The following EIF4E3 variants were observed in gnomAD, a reference collection of about 807,000 sequenced individuals.
The protein encoded by EIF4E3 is eukaryotic translation initiation factor 4E type 3.
In EIF4E3, 26 loss-of-function variants were observed where a neutral mutation model predicts 31.7. The ratio of observed to expected loss-of-function variants is 0.82; its 90% confidence interval spans 0.60 to 1.14. The LOEUF (loss-of-function observed/expected upper bound fraction) is 1.14. Ranked by LOEUF, EIF4E3 falls within the 50% of genes most tolerant of loss-of-function variation. EIF4E3 has a pLI of 0.00. For missense variants in EIF4E3, 304 were observed against 270.9 expected (o/e 1.12, Z -0.86); for synonymous variants, 128 against 107.7 (o/e 1.19, Z -1.17).
chr3:71,738,687 T>C (rs2049788956), intron 1 of EIF4E3, among the ~76,000 whole-genome samples: 1 of 152,042 alleles, frequency 6.6e-6, no homozygotes. Context: ...TGAAAGGAGA[T>C]AGGCAATAGA....
intron 1 of EIF4E3, among the ~76,000 whole-genome samples, chr3:71,717,218 A>G (rs1223954825): frequency 6.6e-6 from 1 of 152,228 alleles, no homozygotes; most frequent in Admixed American, 6.5e-5. Flanking sequence ...CCAGGTCCTC[A>G]TGAGACCTGC....
chr3:71,754,723 A>G (rs1226810511), upstream of EIF4E3: 1 of 1,470,262 alleles, frequency 6.8e-7, no homozygotes, highest in Non-Finnish European at 9.0e-7. The surrounding 1 kb of genome is among the most constrained non-coding windows in gnomAD (Gnocchi z 5.8). Flanking sequence ...GCCGTCAGCC[A>G]CGACTGGACC....
chr3:71,675,704 A>G lies in EIF4E3; in HGVS notation c.*8978T>C, dbSNP rs1312869632. ...GGGTCATTTCTTCATCTGTAAAATG[A>G]AAAGTTTGAACTAGGCCAGTGATTT... On this transcript the variant is annotated 3_prime_UTR_variant, in exon 7 of 7. Transcript: ENST00000425534. 6.6e-6 allele frequency: 1 copy of G among 152,248 alleles called. No individual in the cohort carries two copies. Among genetic ancestry groups the G allele is most frequent in the African/African-American group, 2.4e-5 (1 of 41,456 alleles). The allele number at this position is 152,248 out of a possible 1,614,324, so 9.4% of individuals were successfully genotyped here.
intron 6 of EIF4E3, among the ~76,000 whole-genome samples, chr3:71,688,669 G>A (rs1211381273): frequency 1.3e-5 from 2 of 152,120 alleles, no homozygotes; most frequent in Non-Finnish European, 2.9e-5. Flanking sequence ...GTTTCTGCTA[G>A]TCTTGTGAAA....
At chr3:71,715,771 T>C (rs971497308) in intron 1 of EIF4E3, among the ~76,000 whole-genome samples, 5 of 152,260 alleles carry the variant, frequency 3.3e-5, no homozygotes, top group African/African-American at 1.2e-4. Context: ...GGCTCCCTTT[T>C]ATTAACCATG....
intron 5 of EIF4E3, among the ~76,000 whole-genome samples, chr3:71,692,598 CTTT>C (rs749669628): frequency 4.2e-5 from 4 of 96,372 alleles, no homozygotes. Context: ...CCCAGGTCTT[CTTT>C]TTTTTTTTTT....
chr3:71,745,083 G>A (rs773279195), intron 1 of EIF4E3, among the ~76,000 whole-genome samples: 12 of 152,174 alleles, frequency 7.9e-5, no homozygotes, highest in Non-Finnish European at 1.6e-4. Context: ...AAGGAGAATC[G>A]AACCCAAGTC....
intron 2 of EIF4E3, among the ~76,000 whole-genome samples, chr3:71,704,414 C>T (rs983909351): frequency 2.4e-4 from 37 of 152,312 alleles, no homozygotes; most frequent in Admixed American, 2.3e-3. Flanking sequence ...ATTCCTACAG[C>T]GCTGAGCAAC....
intron 4 of EIF4E3, 52 bp downstream of exon 4, chr3:71,696,408 G>A: frequency 6.2e-7 from 1 of 1,604,978 alleles, no homozygotes; most frequent in Non-Finnish European, 8.5e-7. Context: ...ATGACAGGCA[G>A]TCAACAACTC....
At chr3:71,666,911 C>T in the EIF4E3 span, among the ~76,000 whole-genome samples, 2 of 152,064 alleles carry the variant, frequency 1.3e-5, no homozygotes. Context: ...TGCACTCCAG[C>T]CTGCACAACA....
At position 71,680,487 on chromosome 3, in the gene EIF4E3, G is replaced by A. The variant is rs1267854691; in HGVS notation, c.*4195C>T. 6.6e-6 allele frequency: 1 copy of A among 152,200 alleles called. No homozygotes were observed. Among genetic ancestry groups the A allele is most frequent in the Non-Finnish European group, 1.5e-5 (1 of 68,032 alleles). 9.4% of individuals were successfully genotyped at this position (152,200 alleles called of 1,614,324 possible). On this transcript the variant is annotated 3_prime_UTR_variant, in exon 7 of 7. Transcript: ENST00000425534. ...TTCTTTTAAAAATGGATTTATGTCA[G>A]CAACATGAAAGAATTTCTAGAACAC...
chr3:71,662,888 C>T, the EIF4E3 span, among the ~76,000 whole-genome samples: 3 of 152,046 alleles, frequency 2.0e-5, no homozygotes, highest in Admixed American at 2.0e-4. Flanking sequence ...GGGGCAGAAA[C>T]CGAGGGAAGA....
upstream of EIF4E3, chr3:71,754,157 C>T (rs1355170492): frequency 1.4e-6 from 2 of 1,456,500 alleles, no homozygotes; most frequent in Non-Finnish European, 1.8e-6. This position sits in a 1 kb window ranked among gnomAD's most constrained non-coding sequence, Gnocchi z 5.8. Context: ...TAGCGGGCAA[C>T]GTGCTGTTCG....
At chr3:71,665,256 C>T in the EIF4E3 span, among the ~76,000 whole-genome samples, 5 of 152,120 alleles carry the variant, frequency 3.3e-5, no homozygotes, top group South Asian at 4.1e-4. Context: ...TACTTTAGTA[C>T]GAGTTTCCAA....
chr3:71,724,229 T>A (rs898145924), intron 1 of EIF4E3, among the ~76,000 whole-genome samples: 21 of 152,212 alleles, frequency 1.4e-4, no homozygotes, highest in African/African-American at 4.6e-4. Flanking sequence ...TTTGCATTCA[T>A]CCATCTATTC....
At chr3:71,713,397 T>C (rs922212553) in intron 1 of EIF4E3, among the ~76,000 whole-genome samples, 1 of 152,238 alleles carries the variant, frequency 6.6e-6, no homozygotes, top group African/African-American at 2.4e-5. Flanking sequence ...TCTCTTGGTA[T>C]GTTTTCATCA....
the EIF4E3 span, among the ~76,000 whole-genome samples, chr3:71,664,200 T>C: frequency 2.0e-5 from 3 of 152,168 alleles, no homozygotes; most frequent in African/African-American, 7.2e-5. Context: ...ATTACTCAAC[T>C]TGATAGAGCC....
intron 1 of EIF4E3, among the ~76,000 whole-genome samples, chr3:71,733,200 G>GT (rs1435329292): frequency 2.0e-5 from 3 of 152,198 alleles, no homozygotes; most frequent in Non-Finnish European, 4.4e-5. Context: ...AACCCGAACG[G>GT]TAGATACACA....
chr3:71,689,896 C>G, intron 6 of EIF4E3, 114 bp downstream of exon 6: 1 of 1,012,380 alleles, frequency 9.9e-7, no homozygotes, highest in East Asian at 2.9e-5. Context: ...GAATTATTTT[C>G]TGAATTATCA....
Sources: allele counts gnomAD v4.1 joint callset (sites outside exome capture counted in the v4.1 genomes callset), GRCh38; gene constraint gnomAD v4.1.1; non-coding constraint Gnocchi (gnomAD v3.1); transcripts MANE v1.5; gene names NCBI Gene and HGNC (gene_info 2026-07-23, HGNC 2026-07-21).